LRRC8C: variants seen among roughly 807,000 people sequenced by gnomAD.
The protein encoded by LRRC8C is leucine rich repeat containing 8 VRAC subunit C, also known as volume-regulated anion channel subunit LRRC8C.
Under a neutral mutation model 55.3 loss-of-function variants are expected in LRRC8C, and 20 were observed. The ratio of observed to expected loss-of-function variants is 0.36; its 90% CI spans 0.25 to 0.53. The LOEUF (loss-of-function observed/expected upper bound fraction) is 0.53. Ranked by LOEUF, LRRC8C falls within the 20% of genes least tolerant of loss-of-function variation. The pLI is 0.92. For synonymous variants in LRRC8C, 376 were observed against 360.7 expected (o/e 1.04, Z -0.48); for missense variants, 659 against 951.4 (o/e 0.69, Z 4.04).
chr1:89,646,924 T>G (rs1303253582), intron 1 of LRRC8C, among the ~76,000 whole-genome samples: 1 of 152,092 alleles, frequency 6.6e-6, no homozygotes, highest in East Asian at 1.9e-4. Context: ...ATATGTAAAA[T>G]TTACCAAAAA....
At chr1:89,680,665 A>C (rs546236595) in intron 1 of LRRC8C, among the ~76,000 whole-genome samples, 1 of 148,628 alleles carries the variant, frequency 6.7e-6, no homozygotes, top group East Asian at 2.0e-4. Context: ...GGTTCAAGCA[A>C]TTCTTCTGCC....
chr1:89,712,188 C>T lies in LRRC8C; in HGVS notation c.139-521C>T, dbSNP rs747105732. The stretch of plus-strand genomic sequence containing the variant: ...AGTGCAATGGCACGATCTCGGCTCA[C>T]TGCAACCTCCACCTCCTGGGTTCAA... On this transcript the variant is annotated intron_variant, in intron 2 of 2. Coordinates refer to ENST00000370454, the MANE Select transcript of LRRC8C (RefSeq NM_032270.5). Among the ~76,000 whole-genome samples, 7 of 152,224 alleles carry T rather than the reference C, an allele frequency of 4.6e-5. No homozygotes were observed. In the South Asian group the frequency reaches 1.2e-3, roughly 27 times the overall value.
At chr1:89,691,138 C>T (rs1478803210) in intron 2 of LRRC8C, among the ~76,000 whole-genome samples, 2 of 152,134 alleles carry the variant, frequency 1.3e-5, no homozygotes, top group African/African-American at 4.8e-5. Context: ...CAGCACAGCC[C>T]ATGCCTTCAG....
At chr1:89,628,072 G>A (rs761950700), upstream of LRRC8C, among the ~76,000 whole-genome samples, 3 of 152,154 alleles carry the variant, frequency 2.0e-5, no homozygotes, top group Non-Finnish European at 4.4e-5. Flanking sequence ...TACCTCATAA[G>A]TGTTTATTCT....
chr1:89,671,130 C>G (rs1345829439), intron 1 of LRRC8C, among the ~76,000 whole-genome samples: 2 of 152,046 alleles, frequency 1.3e-5, no homozygotes, highest in Non-Finnish European at 2.9e-5. Flanking sequence ...TGGGTACCAT[C>G]ATAGCTCACT....
At position 89,642,887 on chromosome 1, in the gene LRRC8C, G is replaced by T. The variant is rs1420092711; in HGVS notation, c.-5+9565G>T. Among the ~76,000 whole-genome samples the T allele has an allele frequency of 4.6e-5, 7 of 150,740 alleles. No individual in the cohort carries two copies. In the South Asian group the frequency reaches 1.5e-3, roughly 32 times the overall value. ...ACAAAAATTAACTGGGTGTGTTGGT[G>T]CGCACCTGTAATCCCAGCTACTCAG... is the stretch of plus-strand genomic sequence containing the variant. On this transcript the variant is annotated intron_variant, in intron 1 of 2. Transcript: ENST00000370454.
At chr1:89,650,632 C>T (rs903807394) in intron 1 of LRRC8C, among the ~76,000 whole-genome samples, 1 of 152,142 alleles carries the variant, frequency 6.6e-6, no homozygotes, top group Non-Finnish European at 1.5e-5. Context: ...AAACAATGTA[C>T]ACTTGCTTAT....
intron 2 of LRRC8C, among the ~76,000 whole-genome samples, chr1:89,692,512 A>T (rs1658053123): frequency 1.3e-5 from 2 of 152,188 alleles, no homozygotes; most frequent in African/African-American, 4.8e-5. Flanking sequence ...TATCAAGGGG[A>T]TGTTGATTCT....
intron 1 of LRRC8C, among the ~76,000 whole-genome samples, chr1:89,672,108 AAAAC>A (rs1361660472): frequency 1.3e-5 from 2 of 152,242 alleles, no homozygotes; most frequent in East Asian, 3.8e-4. Context: ...TAAGAGGGGA[AAAAC>A]AAACAACAAA....
intron 1 of LRRC8C, among the ~76,000 whole-genome samples, chr1:89,645,209 A>G (rs1410939675): frequency 1.3e-5 from 2 of 152,214 alleles, no homozygotes; most frequent in African/African-American, 2.4e-5. Context: ...TATAAAAAAC[A>G]GTAAAATAGA....
intron 1 of LRRC8C, among the ~76,000 whole-genome samples, chr1:89,677,168 T>C (rs1018877375): frequency 1.4e-5 from 2 of 147,454 alleles, no homozygotes; most frequent in Non-Finnish European, 2.9e-5. Context: ...AATTGCTAGG[T>C]AGAAGTACTT....
At chr1:89,654,291 A>G (rs1165134870) in intron 1 of LRRC8C, among the ~76,000 whole-genome samples, 1 of 152,204 alleles carries the variant, frequency 6.6e-6, no homozygotes, top group Admixed American at 6.5e-5. Flanking sequence ...CAGCTAAGGG[A>G]TGAGAAATTG....
intron 2 of LRRC8C, among the ~76,000 whole-genome samples, chr1:89,697,758 A>C (rs766963032): frequency 9.9e-5 from 15 of 152,144 alleles, no homozygotes; most frequent in South Asian, 2.1e-4. Flanking sequence ...GCTGCTTCAA[A>C]TCTCACCCAC....
chr1:89,692,025 G>A (rs1485123174), intron 2 of LRRC8C, among the ~76,000 whole-genome samples: 3 of 152,034 alleles, frequency 2.0e-5, no homozygotes, highest in Admixed American at 6.6e-5. Flanking sequence ...AAACTACCTA[G>A]GATCCATATA....
intron 2 of LRRC8C, among the ~76,000 whole-genome samples, chr1:89,689,698 T>C (rs1396510170): frequency 3.9e-5 from 6 of 152,012 alleles, no homozygotes; most frequent in African/African-American, 2.4e-5. Flanking sequence ...CCCAACACTT[T>C]GGGAGACCGA....
At position 89,714,826 on chromosome 1, in the gene LRRC8C, A is replaced by G. The variant is rs1252296372; in HGVS notation, c.2256A>G (p.Leu752=). The part of the protein sequence containing the change: ...SVLSPKIGNL[L]FLSYLDVKGN... Reference sequence around the variant, plus strand: ...TTTCACCGAAAATTGGAAATTTGCTATTTCTTTCCTACTTAGATGTAAAAG... The same window carrying G: ...TTTCACCGAAAATTGGAAATTTGCTGTTTCTTTCCTACTTAGATGTAAAAG... Residue 752 remains leucine (L), a synonymous_variant, in exon 3 of 3, where the codon CTA becomes CTG. Transcript: ENST00000370454. The surrounding 1 kb of genome is among the most constrained non-coding windows in gnomAD (Gnocchi z 4.6). 3.7e-6 allele frequency: 6 copies of G among 1,613,984 alleles called. No homozygotes were observed. Among genetic ancestry groups the G allele is most frequent in the East Asian group, 2.2e-5 (1 of 44,900 alleles).
chr1:89,671,173 C>T (rs1657403121), intron 1 of LRRC8C, among the ~76,000 whole-genome samples: 1 of 152,086 alleles, frequency 6.6e-6, no homozygotes, highest in South Asian at 2.1e-4. Context: ...AAATGATTCT[C>T]CCACCTCAGC....
chr1:89,623,173 CACACACACAT>C, the LRRC8C span, among the ~76,000 whole-genome samples: 4 of 146,332 alleles, frequency 2.7e-5, no homozygotes, highest in South Asian at 2.1e-4. Flanking sequence ...CACACACACA[CACACACACAT>C]GCGCACACAC....
Position 89,714,131 on chromosome 1 carries a change from C to T in LRRC8C, c.1561C>T (p.Leu521=), listed in dbSNP as rs759460291. The T allele has an allele frequency of 6.8e-6, 11 of 1,613,968 alleles. No homozygotes were observed. The highest frequency in any genetic ancestry group is 3.3e-5 in the Admixed American group (2 of 60,000). ...YGLRNLEELY[L]VGSLSHDISR... Reference sequence around the variant, plus strand: ...GCTCCGAAATCTGGAAGAGCTGTACCTAGTTGGCTCTCTAAGTCATGATAT... The same window carrying T: ...GCTCCGAAATCTGGAAGAGCTGTACTTAGTTGGCTCTCTAAGTCATGATAT... The change falls in exon 3 of 3, where the codon CTA becomes TTA. Residue 521 remains leucine (L), a synonymous_variant. Coordinates refer to ENST00000370454, the MANE Select transcript of LRRC8C (RefSeq NM_032270.5). The surrounding 1 kb of genome is among the most constrained non-coding windows in gnomAD (Gnocchi z 4.6).
Sources: allele counts gnomAD v4.1 joint callset (sites outside exome capture counted in the v4.1 genomes callset), GRCh38; gene constraint gnomAD v4.1.1; non-coding constraint Gnocchi (gnomAD v3.1); transcripts MANE v1.5; gene names NCBI Gene and HGNC (gene_info 2026-07-23, HGNC 2026-07-21).